Variants in GSG1L observed in about 807,000 individuals in gnomAD.
GSG1L encodes the protein germ cell-specific gene 1-like protein.
GSG1L carries 24 observed loss-of-function variants against 42.1 expected under a neutral mutation model. That is an observed-to-expected ratio of 0.57 (90% CI 0.41 to 0.80). The LOEUF (loss-of-function observed/expected upper bound fraction) is 0.80, where lower values mean the gene tolerates loss of function less well. Ranked by LOEUF, GSG1L falls within the 30% of genes least tolerant of loss-of-function variation. The probability of loss-of-function intolerance (pLI) is 0.00; values close to 1 mark genes in which losing one functional copy is unlikely to be tolerated. For synonymous variants in GSG1L, 215 were observed against 203.5 expected (o/e 1.06, Z -0.48); for missense variants, 445 against 472.2 (o/e 0.94, Z 0.53).
chr16:27,950,921 C>T (rs2084943545), intron 2 of GSG1L, among the ~76,000 whole-genome samples: 1 of 152,198 alleles, frequency 6.6e-6, no homozygotes, highest in Non-Finnish European at 1.5e-5. Flanking sequence ...ACTGCCATCA[C>T]ACCGCAGCCC....
chr16:27,919,541 G>A (rs932112531), intron 2 of GSG1L, among the ~76,000 whole-genome samples: 2 of 152,172 alleles, frequency 1.3e-5, no homozygotes, highest in African/African-American at 2.4e-5. Flanking sequence ...CCACACCCAG[G>A]AGAAGGAGAG....
chr16:28,039,321 G>A (rs943514710), intron 1 of GSG1L, among the ~76,000 whole-genome samples: 1 of 152,190 alleles, frequency 6.6e-6, no homozygotes, highest in African/African-American at 2.4e-5. Flanking sequence ...TTCCCAACCA[G>A]GAGCAATTTT....
At chr16:27,829,016 C>A in intron 4 of GSG1L, 60 bp from the exon 5 acceptor site, 2 of 1,507,558 alleles carry the variant, frequency 1.3e-6, no homozygotes, top group East Asian at 2.3e-5. Context: ...AGGAAAAATC[C>A]CACACCCACC....
intron 5 of GSG1L, among the ~76,000 whole-genome samples, 181 bp from the exon 6 acceptor site, chr16:27,807,735 C>A (rs1388968568): frequency 6.6e-6 from 1 of 152,152 alleles, no homozygotes; most frequent in Non-Finnish European, 1.5e-5. Flanking sequence ...CATCATTATT[C>A]CCATTCTACT....
intron 2 of GSG1L, among the ~76,000 whole-genome samples, chr16:27,923,734 GAA>G (rs11425016): frequency 6.2e-5 from 8 of 129,066 alleles, no homozygotes; most frequent in Non-Finnish European, 1.3e-4. Flanking sequence ...ACTCTGTCAA[GAA>G]AAAAAAAAAA....
At chr16:27,886,354 C>T (rs1410102021) in intron 2 of GSG1L, among the ~76,000 whole-genome samples, 3 of 152,138 alleles carry the variant, frequency 2.0e-5, no homozygotes, top group Non-Finnish European at 2.9e-5. Context: ...GCAGGAGAAT[C>T]GCTTGAACCC....
At chr16:27,820,650 T>C (rs968748103) in intron 5 of GSG1L, among the ~76,000 whole-genome samples, 1 of 152,182 alleles carries the variant, frequency 6.6e-6, no homozygotes, top group Non-Finnish European at 1.5e-5. Context: ...AAACCACTTT[T>C]GTCCATGCTG....
At chr16:27,850,388 C>A (rs1312381613) in intron 3 of GSG1L, 7 of 392,152 alleles carry the variant, frequency 1.8e-5, no homozygotes, top group Non-Finnish European at 3.0e-5. Context: ...GCCAGTTCTG[C>A]GATTCAAGGA....
At chr16:28,010,835 T>C (rs2085708692) in intron 1 of GSG1L, among the ~76,000 whole-genome samples, 1 of 152,010 alleles carries the variant, frequency 6.6e-6, no homozygotes, top group African/African-American at 2.4e-5. Flanking sequence ...AGGACGGTGA[T>C]TGCAAAATTC....
intron 2 of GSG1L, among the ~76,000 whole-genome samples, chr16:27,911,623 G>A (rs1567515774): frequency 6.6e-6 from 1 of 152,000 alleles, no homozygotes; most frequent in Non-Finnish European, 1.5e-5. Flanking sequence ...GGTATTTTCT[G>A]CCTCAGGGCC....
At chr16:27,952,627 C>T (rs761984880) in intron 2 of GSG1L, among the ~76,000 whole-genome samples, 5 of 152,152 alleles carry the variant, frequency 3.3e-5, no homozygotes, top group Admixed American at 6.5e-5. Flanking sequence ...AGAACTAGAC[C>T]GTGCTGGGCC....
At chr16:27,881,046 T>A (rs555634164) in intron 3 of GSG1L, among the ~76,000 whole-genome samples, 12 of 152,132 alleles carry the variant, frequency 7.9e-5, no homozygotes, top group African/African-American at 2.7e-4. Flanking sequence ...CAGGTCAGGG[T>A]CCCTCTGACC....
intron 2 of GSG1L, among the ~76,000 whole-genome samples, chr16:27,961,147 G>A (rs968874470): frequency 3.9e-5 from 6 of 152,182 alleles, no homozygotes; most frequent in African/African-American, 1.4e-4. Flanking sequence ...ACTTACATGT[G>A]CACGCATGTG....
chr16:27,951,011 C>T (rs903535250), intron 2 of GSG1L, among the ~76,000 whole-genome samples: 4 of 152,138 alleles, frequency 2.6e-5, no homozygotes, highest in South Asian at 2.1e-4. Flanking sequence ...AAGAACAGAG[C>T]GAGGTTAGGG....
At chr16:28,007,793 G>A (rs1304411458) in intron 1 of GSG1L, among the ~76,000 whole-genome samples, 1 of 152,096 alleles carries the variant, frequency 6.6e-6, no homozygotes, top group Non-Finnish European at 1.5e-5. Context: ...TGGGATGACA[G>A]GCTTGAGCCA....
rs115717846 is a variant in GSG1L at position 27,806,594 on chromosome 16, G to A, written c.898+893C>T. Among the ~76,000 whole-genome samples, 1,050 of 152,330 alleles carry A rather than the reference G, an allele frequency of 6.9e-3. 11 individuals carry two copies. The highest frequency in any genetic ancestry group is 0.024 in the African/African-American group (1,005 of 41,576). ...CCCACTCCAGGGTGAGGGAGCTGGG[G>A]TATCTATACACCAACTTCCCTGGCA... is the stretch of plus-strand genomic sequence containing the variant. On this transcript the variant is annotated intron_variant, in intron 6 of 6. Transcript: ENST00000447459.
At chr16:27,946,604 AGAGAG>A (rs1567529827) in intron 2 of GSG1L, among the ~76,000 whole-genome samples, 8 of 6,486 alleles carry the variant, frequency 1.2e-3, no homozygotes, top group African/African-American at 3.7e-3. Flanking sequence ...AGAGAGAGAG[AGAGAG>A]AGAGAGAGAG....
chr16:27,984,767 C>G (rs1484062270), intron 1 of GSG1L, among the ~76,000 whole-genome samples: 1 of 147,412 alleles, frequency 6.8e-6, no homozygotes, highest in Non-Finnish European at 1.5e-5. Flanking sequence ...TCTTTTTTTT[C>G]TTTTTTTGGA....
intron 2 of GSG1L, among the ~76,000 whole-genome samples, chr16:27,897,982 C>T (rs1257899998): frequency 2.0e-5 from 3 of 152,332 alleles, no homozygotes; most frequent in South Asian, 4.1e-4. Context: ...CAAGTCCTTT[C>T]TCCTCCACAC....
Sources: gnomAD v4.1 joint callset for allele counts (sites outside exome capture counted in the v4.1 genomes callset) on GRCh38, gnomAD v4.1.1 for gene constraint, MANE v1.5 for transcripts, NCBI Gene and HGNC (gene_info 2026-07-23, HGNC 2026-07-21) for gene names.